YARS1: variants seen among roughly 807,000 people sequenced by gnomAD.
The protein encoded by YARS1 is tyrosyl-tRNA synthetase 1, also known as tyrosine--tRNA ligase, cytoplasmic.
In YARS1, 36 loss-of-function variants were observed where a neutral mutation model predicts 62.2. The ratio of observed to expected loss-of-function variants is 0.58; its 90% CI spans 0.44 to 0.76. YARS1 has a LOEUF of 0.76. YARS1 is among the 30% of genes least tolerant of loss of function. YARS1 has a pLI of 0.00. For synonymous variants in YARS1, 234 were observed against 244.9 expected (o/e 0.96, Z 0.42); for missense variants, 524 against 639.8 (o/e 0.82, Z 1.95).
Position 32,776,134 on chromosome 1 carries a change from A to T in YARS1, c.1477-43T>A, listed in dbSNP as rs181833657. 1 of 1,532,552 alleles carries T rather than the reference A, an allele frequency of 6.5e-7. No homozygotes were observed. The highest frequency in any genetic ancestry group is 1.8e-5 in the Admixed American group (1 of 56,770). The allele number at this position is 1,532,552 out of a possible 1,614,324, so 94.9% of individuals were successfully genotyped here. On this transcript the variant is annotated intron_variant, in intron 12 of 12. Coordinates refer to ENST00000373477, the MANE Select transcript of YARS1 (RefSeq NM_003680.4). This position sits in a 1 kb window ranked among gnomAD's most constrained non-coding sequence, Gnocchi z 4.0. ...GAGAGATTTTAATGATGGTGGTGGG[A>T]CTGCAAGAAAACCCCCCCTTTTTTG...
intron 3 of YARS1, 25 bp from the exon 4 acceptor site, chr1:32,806,636 A>G (rs1194976405): frequency 1.2e-6 from 2 of 1,614,020 alleles, no homozygotes; most frequent in Admixed American, 1.7e-5. Flanking sequence ...AAGAGGGGAC[A>G]GCTGTAAACC....
At position 32,800,156 on chromosome 1, in the gene YARS1, T is replaced by C. The variant is rs541074237; in HGVS notation, c.511-2313A>G. ...CCACCACACCTGGCTAATTTTTGTATTATTTGGCAGAGATGGGGTTTCACC... is the reference window on the plus strand; with the variant it reads ...CCACCACACCTGGCTAATTTTTGTACTATTTGGCAGAGATGGGGTTTCACC... On this transcript the variant is annotated intron_variant, in intron 4 of 12. Coordinates refer to ENST00000373477, the MANE Select transcript of YARS1 (RefSeq NM_003680.4). 4.0e-5 allele frequency among the ~76,000 whole-genome samples: 6 copies of C among 151,870 alleles called. No individual in the cohort carries two copies. The East Asian group carries it at 1.2e-3, about 30-fold the overall frequency.
At chr1:32,812,682 C>CTTAG (rs1638611222) in intron 1 of YARS1, among the ~76,000 whole-genome samples, 1 of 152,162 alleles carries the variant, frequency 6.6e-6, no homozygotes. Context: ...TGACAAGAAC[C>CTTAG]TTAGCTTCAG....
At chr1:32,816,996 G>A in intron 1 of YARS1, 192 bp downstream of exon 1, 1 of 703,480 alleles carries the variant, frequency 1.4e-6, no homozygotes. Flanking sequence ...AGCCCACTGT[G>A]ATTTCTGGGG....
At chr1:32,817,070 A>T in intron 1 of YARS1, 118 bp downstream of exon 1, 1 of 1,309,470 alleles carries the variant, frequency 7.6e-7, no homozygotes, top group African/African-American at 1.4e-5. Flanking sequence ...GCTCTCTCAG[A>T]GCTGCGCCAG....
Position 32,806,678 on chromosome 1 carries a change from A to G in YARS1, c.381-67T>C, listed in dbSNP as rs114401033. ...TAGGCCTCAGTTTCCTAGGAAATCT[A>G]AAGCACATTAATTTACTTCCCTAAC... On this transcript the variant is annotated intron_variant, in intron 3 of 12. Coordinates refer to ENST00000373477, the MANE Select transcript of YARS1 (RefSeq NM_003680.4). 4.0e-4 allele frequency: 643 copies of G among 1,608,842 alleles called. 3 individuals carry two copies. The African/African-American group carries it at 7.8e-3, about 19-fold the overall frequency.
intron 4 of YARS1, among the ~76,000 whole-genome samples, chr1:32,805,061 T>C (rs946294728): frequency 6.6e-6 from 1 of 151,774 alleles, no homozygotes; most frequent in Non-Finnish European, 1.5e-5. Flanking sequence ...CGAAACCCCG[T>C]CTCCACCAAA....
At chr1:32,778,790 G>A (rs1262354821) in intron 12 of YARS1, among the ~76,000 whole-genome samples, 4 of 146,930 alleles carry the variant, frequency 2.7e-5, no homozygotes, top group Non-Finnish European at 6.0e-5. Flanking sequence ...CCAGGCTGGA[G>A]TGCAATGGCG....
rs141520006 is a variant in YARS1, at chr1:32,792,666, G to A, written c.592-1412C>T. ...AGCACTTTGGGAGGCCGAGGCAGGC[G>A]TCAGGAGATCGAGACCATCCTGGCT... On this transcript the variant is annotated intron_variant, in intron 5 of 12. Coordinates refer to ENST00000373477, the MANE Select transcript of YARS1 (RefSeq NM_003680.4). Among the ~76,000 whole-genome samples the A allele has an allele frequency of 9.3e-3, 1,410 of 152,150 alleles. 28 individuals carry two copies. Among genetic ancestry groups the A allele is most frequent in the African/African-American group, 0.032 (1,331 of 41,494 alleles).
intron 12 of YARS1, among the ~76,000 whole-genome samples, chr1:32,777,774 T>G (rs956011570): frequency 2.6e-5 from 4 of 152,150 alleles, no homozygotes; most frequent in African/African-American, 9.7e-5. Flanking sequence ...GGAATCCAGC[T>G]TGGGTGACAA....
intron 6 of YARS1, among the ~76,000 whole-genome samples, chr1:32,788,966 T>C (rs994597076): frequency 6.6e-6 from 1 of 152,144 alleles, no homozygotes; most frequent in Non-Finnish European, 1.5e-5. Context: ...CTGGAACTAT[T>C]GGTGCATGCC....
At chr1:32,777,498 C>T (rs905358104) in intron 12 of YARS1, among the ~76,000 whole-genome samples, 1 of 152,210 alleles carries the variant, frequency 6.6e-6, no homozygotes, top group African/African-American at 2.4e-5. Context: ...GTAATCCCAG[C>T]TACTCAGGAG....
intron 1 of YARS1, 129 bp from the exon 2 acceptor site, chr1:32,811,186 C>T: frequency 1.4e-6 from 2 of 1,399,194 alleles, no homozygotes; most frequent in Non-Finnish European, 2.0e-6. Flanking sequence ...GAGGTCCAGC[C>T]ATGTTCTCAG....
At chr1:32,786,611 T>TACCC (rs1163937687) in intron 7 of YARS1, 164 bp from the exon 8 acceptor site, 3 of 781,386 alleles carry the variant, frequency 3.8e-6, no homozygotes, top group Non-Finnish European at 6.5e-6. Flanking sequence ...CACTATTGTA[T>TACCC]ACCCAGCTAG....
intron 6 of YARS1, among the ~76,000 whole-genome samples, chr1:32,789,248 CTT>C (rs1653335754): frequency 6.6e-6 from 1 of 152,216 alleles, no homozygotes; most frequent in African/African-American, 2.4e-5. Flanking sequence ...CATTGGACAT[CTT>C]TGCAGTCTTT....
At chr1:32,801,085 A>G (rs1033796900) in intron 4 of YARS1, among the ~76,000 whole-genome samples, 3 of 152,210 alleles carry the variant, frequency 2.0e-5, no homozygotes, top group African/African-American at 4.8e-5. Flanking sequence ...GAGATGAACA[A>G]TGTCTTAAAG....
At chr1:32,793,298 G>A (rs1653473508) in intron 5 of YARS1, among the ~76,000 whole-genome samples, 1 of 152,278 alleles carries the variant, frequency 6.6e-6, no homozygotes, top group South Asian at 2.1e-4. Context: ...ACTGATTCAA[G>A]AAGCTCAGCA....
chr1:32,795,679 G>A (rs569062069), intron 5 of YARS1, among the ~76,000 whole-genome samples: 35 of 151,516 alleles, frequency 2.3e-4, no homozygotes, highest in Middle Eastern at 3.4e-3. Flanking sequence ...GGTGGCACGC[G>A]CCTGTAGTCC....
At position 32,781,205 on chromosome 1, in the gene YARS1, T is replaced by G. The variant is rs529354428; in HGVS notation, c.1043-60A>C. On this transcript the variant is annotated intron_variant, in intron 9 of 12. Transcript: ENST00000373477. The stretch of plus-strand genomic sequence containing the variant: ...TTCCCTGTGGCAGGTCAGCTGCTGA[T>G]CCCACCACGTTAAGACACTGAGATT... 4.5e-6 allele frequency: 6 copies of G among 1,327,532 alleles called. No homozygotes were observed. The East Asian group carries it at 1.4e-4, about 30-fold the overall frequency. 82.2% of individuals were successfully genotyped at this position (1,327,532 alleles called of 1,614,324 possible).
Sources: allele counts gnomAD v4.1 joint callset (sites outside exome capture counted in the v4.1 genomes callset), GRCh38; gene constraint gnomAD v4.1.1; non-coding constraint Gnocchi (gnomAD v3.1); transcripts MANE v1.5; gene names NCBI Gene and HGNC (gene_info 2026-07-23, HGNC 2026-07-21).